Variants in ABL1 observed in about 807,000 individuals in gnomAD.
The protein encoded by ABL1 is ABL proto-oncogene 1, non-receptor tyrosine kinase.
In ABL1, 11 loss-of-function variants were observed where a neutral mutation model predicts 94.7. The ratio of observed to expected loss-of-function variants is 0.12; its 90% CI spans 0.07 to 0.19. The LOEUF (loss-of-function observed/expected upper bound fraction) is 0.19. Among genes scored for constraint, ABL1 ranks in the 10% least tolerant of loss-of-function variants. ABL1 has a pLI of 1.00. For synonymous variants in ABL1, 656 were observed against 622.4 expected, an observed-to-expected ratio of 1.05 and a Z score of -0.80; for missense variants, 1,082 against 1,489.4, an observed-to-expected ratio of 0.73 and a Z score of 4.50.
intron 1 of ABL1, among the ~76,000 whole-genome samples, chr9:130,718,067 G>C (rs2855157): frequency 0.53 from 79,416 of 150,700 alleles, 22,491 homozygotes; most frequent in African/African-American, 0.74. Context: ...CCTGTAATCC[G>C]AGCACTTTGG....
intron 1 of ABL1, among the ~76,000 whole-genome samples, chr9:130,742,131 G>C (rs1831828230): frequency 6.6e-6 from 1 of 152,080 alleles, no homozygotes; most frequent in African/African-American, 2.4e-5. Flanking sequence ...ATGTTCTCTG[G>C]TTGCCCCTGG....
At chr9:130,713,280 G>A (rs1015603650) in exon 1 of ABL1, among the ~76,000 whole-genome samples, 1 of 152,114 alleles carries the variant, frequency 6.6e-6, no homozygotes, top group African/African-American at 2.4e-5. Context: ...GCTTGGGGCA[G>A]CTGAGGCGGC....
intron 1 of ABL1, among the ~76,000 whole-genome samples, chr9:130,727,517 A>G (rs556711817): frequency 5.1e-4 from 78 of 151,520 alleles, no homozygotes; most frequent in Non-Finnish European, 1.0e-3. Flanking sequence ...AATCCCAGCA[A>G]TTTGGGAGGC....
chr9:130,750,227 A>ATATATATATATATC (rs1831941619), intron 1 of ABL1, among the ~76,000 whole-genome samples: 2 of 132,930 alleles, frequency 1.5e-5, no homozygotes, highest in African/African-American at 2.9e-5. Flanking sequence ...ATATATATAT[A>ATATATATATATATC]TATATATATC....
intron 1 of ABL1, among the ~76,000 whole-genome samples, chr9:130,787,390 A>G (rs569576850): frequency 2.0e-5 from 3 of 152,102 alleles, no homozygotes; most frequent in Admixed American, 6.5e-5. Context: ...CCCGTGTGAG[A>G]GAGAATTTCC....
In ABL1 at chr9:130,758,306, G is replaced by A. The variant is rs778900188; in HGVS notation, c.136+43851G>A. ...CTCCCGAGTAGCTGGGATTACAGGCGTGTACTACCACGTCTGGCTAATTTT... is the reference window on the plus strand; with the variant it reads ...CTCCCGAGTAGCTGGGATTACAGGCATGTACTACCACGTCTGGCTAATTTT... On this transcript the variant is annotated intron_variant, in intron 1 of 10. Coordinates refer to the ABL1 transcript ENST00000372348. 2.6e-5 allele frequency among the ~76,000 whole-genome samples: 4 copies of A among 151,896 alleles called. No homozygotes were observed. In the South Asian group the frequency reaches 6.2e-4, roughly 24 times the overall value.
chr9:130,787,181 T>G (rs1829838772), intron 1 of ABL1, among the ~76,000 whole-genome samples: 1 of 152,204 alleles, frequency 6.6e-6, no homozygotes, highest in Non-Finnish European at 1.5e-5. Context: ...GGGGAACTGC[T>G]GTTGCTCTTT....
Position 130,862,894 on chromosome 9 carries a change from T to G in ABL1, c.681T>G (p.Gly227=). 3 of 1,614,030 alleles carry G rather than the reference T, an allele frequency of 1.9e-6. No individual in the cohort carries two copies. The highest frequency in any genetic ancestry group is 2.5e-6 in the Non-Finnish European group (3 of 1,180,012). ...APKRNKPTVY[G]VSPNYDKWEM... is the part of the protein sequence containing the mutation. Reference sequence around the variant, plus strand: ...AGCGCAACAAGCCCACTGTCTATGGTGTGTCCCCCAACTACGACAAGTGGG... The same window carrying G: ...AGCGCAACAAGCCCACTGTCTATGGGGTGTCCCCCAACTACGACAAGTGGG... Residue 227 remains glycine (G), a synonymous_variant, in exon 4 of 11, where the codon GGT becomes GGG. Transcript: ENST00000318560. The surrounding 1 kb of genome is among the most constrained non-coding windows in gnomAD (Gnocchi z 5.5).
intron 1 of ABL1, among the ~76,000 whole-genome samples, chr9:130,725,451 G>C (rs1041425304): frequency 2.0e-5 from 3 of 152,132 alleles, no homozygotes; most frequent in African/African-American, 7.2e-5. Context: ...CGCGATCTCG[G>C]CTCACTGCAA....
intron 1 of ABL1, among the ~76,000 whole-genome samples, chr9:130,821,455 T>G (rs898446123): frequency 1.3e-5 from 2 of 152,206 alleles, no homozygotes; most frequent in Non-Finnish European, 2.9e-5. Flanking sequence ...TTATAGCACG[T>G]CTCAGTACTT....
intron 1 of ABL1, among the ~76,000 whole-genome samples, chr9:130,791,723 G>A (rs1829910625): frequency 6.6e-6 from 1 of 152,104 alleles, no homozygotes; most frequent in Non-Finnish European, 1.5e-5. Context: ...GGGCTCTTGG[G>A]CTTTTGCCAC....
chr9:130,745,840 T>A, intron 1 of ABL1, among the ~76,000 whole-genome samples: 1 of 152,212 alleles, frequency 6.6e-6, no homozygotes, highest in African/African-American at 2.4e-5. Flanking sequence ...CCCTACCAAA[T>A]TGAAGATCAA....
At chr9:130,826,322 T>C (rs897220686) in intron 1 of ABL1, among the ~76,000 whole-genome samples, 1 of 152,042 alleles carries the variant, frequency 6.6e-6, no homozygotes, top group South Asian at 2.1e-4. Flanking sequence ...GGTTTCGCCA[T>C]GTTGGCCAGG....
At chr9:130,838,586 CAT>C (rs760458305) in intron 1 of ABL1, among the ~76,000 whole-genome samples, 10 of 151,764 alleles carry the variant, frequency 6.6e-5, no homozygotes, top group South Asian at 2.1e-4. Flanking sequence ...TTTATTATAA[CAT>C]GTGAATTTTG....
rs1437053923 is a variant in ABL1, at chr9:130,735,954, TATATATA to T, written c.136+21500_136+21506del. Among the ~76,000 whole-genome samples the T allele has an allele frequency of 1.7e-4, 16 of 93,202 alleles. 1 individual carries two copies. Among genetic ancestry groups the T allele is most frequent in the South Asian group, 1.1e-3 (3 of 2,802 alleles). The allele number at this position is 93,202 out of a possible 152,430, so 61.1% of individuals were successfully genotyped here. On this transcript the variant is annotated intron_variant, in intron 1 of 10. Transcript: ENST00000372348. ...GTGTGCATATATATATATATATATA[TATATATA>T]TTTTTTTTTTTTAAGACAGGGTCTG...
chr9:130,771,491 G>A (rs1040348041), intron 1 of ABL1, among the ~76,000 whole-genome samples: 3 of 152,084 alleles, frequency 2.0e-5, no homozygotes, highest in Non-Finnish European at 2.9e-5. Context: ...ACATATTCAT[G>A]TACATTAACT....
intron 7 of ABL1, among the ~76,000 whole-genome samples, chr9:130,875,744 G>A (rs1481915657): frequency 6.6e-6 from 1 of 152,060 alleles, no homozygotes; most frequent in Admixed American, 6.5e-5. Context: ...GTGGATCAGG[G>A]GAGATGGTGT....
intron 1 of ABL1, among the ~76,000 whole-genome samples, chr9:130,758,925 C>T (rs979759432): frequency 1.3e-5 from 2 of 152,146 alleles, no homozygotes; most frequent in African/African-American, 2.4e-5. Flanking sequence ...TAGTGGATCA[C>T]ACAGGCAGCA....
At chr9:130,787,386 TGA>T (rs895623688) in intron 1 of ABL1, among the ~76,000 whole-genome samples, 6 of 152,224 alleles carry the variant, frequency 3.9e-5, no homozygotes, top group South Asian at 2.1e-4. Flanking sequence ...AGCTCCCGTG[TGA>T]GAGAGAATTT....
Sources: gnomAD v4.1 joint callset for allele counts (sites outside exome capture counted in the v4.1 genomes callset) on GRCh38, gnomAD v4.1.1 for gene constraint, Gnocchi (gnomAD v3.1) non-coding constraint, MANE v1.5 for transcripts, NCBI Gene and HGNC (gene_info 2026-07-23, HGNC 2026-07-21) for gene names.